Variants in DNAI1 observed in about 807,000 individuals in gnomAD.
The protein encoded by DNAI1 is dynein, axonemal, intermediate polypeptide 1.
In DNAI1, 67 loss-of-function variants were observed where a neutral mutation model predicts 92.0. That is an observed-to-expected ratio of 0.73 (90% CI 0.60 to 0.89). DNAI1 has a LOEUF of 0.89. Among genes scored for constraint, DNAI1 ranks in the 40% least tolerant of loss-of-function variants. The probability of loss-of-function intolerance (pLI) is 0.00; values close to 1 mark genes in which losing one functional copy is unlikely to be tolerated. For synonymous variants in DNAI1, 323 were observed against 319.6 expected, an observed-to-expected ratio of 1.01 and a Z score of -0.11; for missense variants, 839 against 866.6, an observed-to-expected ratio of 0.97 and a Z score of 0.40.
At chr9:34,460,019 T>C (rs1366248800) in intron 1 of DNAI1, among the ~76,000 whole-genome samples, 1 of 152,212 alleles carries the variant, frequency 6.6e-6, no homozygotes, top group Non-Finnish European at 1.5e-5. Flanking sequence ...CAACTATTTC[T>C]AGAGCCTCAT....
Position 34,497,164 on chromosome 9 carries a change from T to C in DNAI1, c.866T>C (p.Met289Thr), listed in dbSNP as rs781766706. ...CAAGCTGCTAAGATCATGGAGCGGA[T>C]GGTCAACCAGAATACATATGATGAC... The part of the protein sequence containing the change: ...LSQAAKIMER[M>T]VNQNTYDDIA... Residue 289 changes from methionine (M) to threonine (T), a missense_variant, in exon 10 of 20, where the codon ATG becomes ACG. Transcript: ENST00000242317. 6.2e-7 allele frequency: 1 copy of C among 1,614,156 alleles called. No homozygotes were observed. The highest frequency in any genetic ancestry group is 1.7e-5 in the Admixed American group (1 of 60,026).
intron 8 of DNAI1, among the ~76,000 whole-genome samples, chr9:34,492,493 G>GACATAT (rs1271867592): frequency 5.9e-5 from 4 of 68,268 alleles, no homozygotes; most frequent in Non-Finnish European, 1.2e-4. Context: ...GGGATATGAA[G>GACATAT]ATATATATAT....
intron 1 of DNAI1, chr9:34,478,667 C>T (rs779658846): frequency 2.0e-5 from 3 of 152,200 alleles, no homozygotes; most frequent in South Asian, 2.1e-4. Flanking sequence ...CCCATTGATC[C>T]GCAGGGCTAA....
Position 34,520,947 on chromosome 9 carries a change from C to T in DNAI1, c.*191C>T. 1 of 652,312 alleles carries T rather than the reference C, an allele frequency of 1.5e-6. No homozygotes were observed. The highest frequency in any genetic ancestry group is 2.8e-6 in the Non-Finnish European group (1 of 363,340). The allele number at this position is 652,312 out of a possible 1,614,324, so 40.4% of individuals were successfully genotyped here. A position where few individuals can be genotyped will look rare whatever the true frequency, so the allele number is the denominator to read the frequency against. On this transcript the variant is annotated 3_prime_UTR_variant, in exon 20 of 20. Coordinates refer to ENST00000242317, the MANE Select transcript of DNAI1 (RefSeq NM_012144.4). ...GACTTGGTCTTCAACCACCATTACC[C>T]CTCTAACTTTGCACAAATAAACCTG...
At chr9:34,491,691 T>G in intron 8 of DNAI1, 137 bp downstream of exon 8, 1 of 915,724 alleles carries the variant, frequency 1.1e-6, no homozygotes, top group Non-Finnish European at 1.8e-6. Context: ...CCCTGCTCAC[T>G]GTCCTGAGCA....
intron 18 of DNAI1, among the ~76,000 whole-genome samples, chr9:34,516,098 G>C (rs536888277): frequency 6.6e-6 from 1 of 152,312 alleles, no homozygotes; most frequent in East Asian, 1.9e-4. Flanking sequence ...TGACTGGCAA[G>C]AAGGAGGCAG....
intron 1 of DNAI1, among the ~76,000 whole-genome samples, chr9:34,460,985 C>T (rs1276171707): frequency 1.3e-5 from 2 of 152,162 alleles, no homozygotes; most frequent in African/African-American, 2.4e-5. Flanking sequence ...GGACTATAGG[C>T]GCCTGCCACC....
intron 1 of DNAI1, among the ~76,000 whole-genome samples, chr9:34,465,317 G>A (rs939891727): frequency 1.3e-5 from 2 of 152,198 alleles, no homozygotes; most frequent in Non-Finnish European, 2.9e-5. Context: ...AGTCTCTGAG[G>A]AGATGATGTT....
chr9:34,485,270 T>C, intron 3 of DNAI1, 30 bp downstream of exon 3: 1 of 1,613,268 alleles, frequency 6.2e-7, no homozygotes, highest in Non-Finnish European at 8.5e-7. Flanking sequence ...TTCTTGCTCC[T>C]TGTACCTCTT....
rs577672150 is a variant in DNAI1 at position 34,493,204 on chromosome 9, A to G, written c.692A>G (p.Tyr231Cys). The G allele has an allele frequency of 3.0e-5, 48 of 1,614,204 alleles. No individual in the cohort carries two copies. Among genetic ancestry groups the G allele is most frequent in the Admixed American group, 6.7e-5 (4 of 60,030 alleles). ...CTCACCCTTGCCTAGTGGGAGATCT[A>G]TGATGCCTATGTAGAGGAACTTGAG... Reference protein sequence around the residue: ...FSATANQWEIYDAYVEELEKQ... With the variant: ...FSATANQWEICDAYVEELEKQ... The change falls in exon 9 of 20, where the codon TAT (tyrosine) becomes TGT (cysteine). Residue 231 changes from tyrosine (Y) to cysteine (C), a missense_variant. By Grantham distance (194) the Tyr-to-Cys change is radical (BLOSUM62 -2). Coordinates refer to ENST00000242317, the MANE Select transcript of DNAI1 (RefSeq NM_012144.4).
rs141676682 is a variant in DNAI1, at chr9:34,489,521, T to C, written c.388+72T>C. 445 of 1,574,284 alleles carry C rather than the reference T, an allele frequency of 2.8e-4. 2 individuals are homozygous for C. In the African/African-American group the frequency reaches 5.3e-3, roughly 19 times the overall value. ...CTTATTCTGGTCACTCTAGGGAGTA[T>C]ACCTCTAAGCCAGAACTTTTCAGAG... On this transcript the variant is annotated intron_variant, in intron 5 of 19. Transcript: ENST00000242317.
chr9:34,516,140 T>C (rs1019781663), intron 18 of DNAI1, among the ~76,000 whole-genome samples: 10 of 151,910 alleles, frequency 6.6e-5, no homozygotes, highest in African/African-American at 2.4e-4. Flanking sequence ...GAGCAGCCCA[T>C]GGTGAGGGAG....
intron 12 of DNAI1, among the ~76,000 whole-genome samples, chr9:34,505,673 G>T (rs1026389894): frequency 6.6e-6 from 1 of 152,224 alleles, no homozygotes; most frequent in Non-Finnish European, 1.5e-5. Context: ...CACAGTAAGA[G>T]AGGAAGCCTG....
chr9:34,514,819 C>A, intron 18 of DNAI1, 80 bp downstream of exon 18: 3 of 1,441,108 alleles, frequency 2.1e-6, no homozygotes. Context: ...GATGGAGAAC[C>A]CATCCCATGC....
At chr9:34,474,874 A>G (rs1282079522) in intron 1 of DNAI1, among the ~76,000 whole-genome samples, 1 of 152,104 alleles carries the variant, frequency 6.6e-6, no homozygotes, top group African/African-American at 2.4e-5. Flanking sequence ...GCAAGGTGTG[A>G]ATATTTCTAT....
At chr9:34,505,545 G>A (rs562407492) in intron 12 of DNAI1, among the ~76,000 whole-genome samples, 1 of 152,270 alleles carries the variant, frequency 6.6e-6, no homozygotes, top group Non-Finnish European at 1.5e-5. Context: ...TCTTTGCAGG[G>A]GGGCCTTATT....
chr9:34,486,365 A>C (rs1824470664), intron 4 of DNAI1, among the ~76,000 whole-genome samples: 1 of 152,210 alleles, frequency 6.6e-6, no homozygotes, highest in African/African-American at 2.4e-5. Flanking sequence ...TAAACAAATT[A>C]CAAAAGTTAC....
At chr9:34,518,545 G>C (rs1347672835) in intron 19 of DNAI1, among the ~76,000 whole-genome samples, 2 of 152,226 alleles carry the variant, frequency 1.3e-5, no homozygotes, top group African/African-American at 4.8e-5. Context: ...GGGGAGGGAG[G>C]GAGTCGGGCG....
rs999905460 is a variant in DNAI1 at position 34,493,232 on chromosome 9, G to C, written c.720G>C (p.Lys240Asn). The C allele has an allele frequency of 6.2e-7, 1 of 1,614,162 alleles. No homozygotes were observed. Among genetic ancestry groups the C allele is most frequent in the Admixed American group, 1.7e-5 (1 of 60,028 alleles). ...IYDAYVEELE[K>N]QEKTKEKEKA... ...ATGCCTATGTAGAGGAACTTGAGAA[G>C]CAGGAAAAGACCAAAGAGAAGGAGA... The change falls in exon 9 of 20, where the codon AAG becomes AAC. Residue 240 changes from lysine to asparagine, a missense_variant. Physicochemically the swap from Lys to Asn is moderately conservative, Grantham distance 94. Transcript: ENST00000242317.
Sources: allele counts gnomAD v4.1 joint callset (sites outside exome capture counted in the v4.1 genomes callset), GRCh38; gene constraint gnomAD v4.1.1; transcripts MANE v1.5; gene names NCBI Gene and HGNC (gene_info 2026-07-23, HGNC 2026-07-21).